The following NBAS variants were observed in gnomAD, a reference collection of about 807,000 sequenced individuals.
The protein encoded by NBAS is NAG/BC035112 fusion.
In NBAS, 219 loss-of-function variants were observed where a neutral mutation model predicts 302.5. The observed-to-expected ratio is 0.72, with a 90% CI of 0.65 to 0.81. NBAS has a LOEUF of 0.81. Among genes scored for constraint, NBAS ranks in the 30% least tolerant of loss-of-function variants. The pLI, the probability that NBAS is intolerant of heterozygous loss-of-function variation, is 0.00. For missense variants in NBAS, 2,932 were observed against 2,841.6 expected, an observed-to-expected ratio of 1.03 and a Z score of -0.72; for synonymous variants, 1,118 against 1,021.6, an observed-to-expected ratio of 1.09 and a Z score of -1.80.
chr2:15,203,466 G>C (rs954120173), intron 48 of NBAS, among the ~76,000 whole-genome samples: 6 of 152,178 alleles, frequency 3.9e-5, no homozygotes, highest in Admixed American at 3.9e-4. Context: ...TGTACTTCTA[G>C]AGTTTTAACT....
the NBAS span, among the ~76,000 whole-genome samples, chr2:15,117,729 C>A: frequency 2.2e-4 from 34 of 152,314 alleles, no homozygotes; most frequent in Admixed American, 1.6e-3. Context: ...CTCTTCCCAT[C>A]CTTTGGAGCT....
the NBAS span, among the ~76,000 whole-genome samples, chr2:15,102,372 G>A: frequency 6.6e-6 from 1 of 152,178 alleles, no homozygotes; most frequent in Non-Finnish European, 1.5e-5. Context: ...CCTCCACCCA[G>A]GACAGCTCTG....
At chr2:15,277,160 T>A in intron 42 of NBAS, 59 bp from the exon 43 acceptor site, 2 of 1,591,446 alleles carry the variant, frequency 1.3e-6, no homozygotes, top group South Asian at 2.3e-5. Context: ...AAAGTGATTT[T>A]TTTTTTAACC....
intron 31 of NBAS, among the ~76,000 whole-genome samples, chr2:15,368,268 C>A (rs952684144): frequency 7.3e-6 from 1 of 137,922 alleles, no homozygotes; most frequent in Non-Finnish European, 1.5e-5. Context: ...GGCGTAATCT[C>A]GGCTTACTGC....
intron 48 of NBAS, among the ~76,000 whole-genome samples, chr2:15,199,361 C>T (rs902115327): frequency 2.0e-5 from 3 of 152,124 alleles, no homozygotes; most frequent in South Asian, 4.2e-4. Context: ...AAATAAGGCA[C>T]GTGGCTTAGC....
At chr2:15,199,106 G>A (rs1452769790) in intron 48 of NBAS, among the ~76,000 whole-genome samples, 1 of 120,298 alleles carries the variant, frequency 8.3e-6, no homozygotes, top group Non-Finnish European at 1.6e-5. Context: ...CAGCCTGGGC[G>A]ACAGAGTAAG....
At chr2:15,131,818 C>A in the NBAS span, among the ~76,000 whole-genome samples, 1 of 152,238 alleles carries the variant, frequency 6.6e-6, no homozygotes, top group South Asian at 2.1e-4. Context: ...CTACAGGGAG[C>A]TTTTACACAC....
the NBAS span, among the ~76,000 whole-genome samples, chr2:14,865,028 G>C: frequency 3.3e-5 from 5 of 152,200 alleles, no homozygotes; most frequent in African/African-American, 9.6e-5. Context: ...TTTATTATTA[G>C]CTGTCTCTCC....
chr2:14,940,377 C>A, the NBAS span, among the ~76,000 whole-genome samples: 7 of 152,302 alleles, frequency 4.6e-5, no homozygotes, highest in South Asian at 1.5e-3. Flanking sequence ...TGTGACATGT[C>A]TGTTCCCCCT....
At chr2:15,260,400 C>T (rs1031907801) in intron 44 of NBAS, among the ~76,000 whole-genome samples, 5 of 152,154 alleles carry the variant, frequency 3.3e-5, no homozygotes, top group South Asian at 2.1e-4. Context: ...CATCGGCATT[C>T]GTGGAAAGAA....
intron 49 of NBAS, among the ~76,000 whole-genome samples, chr2:15,188,837 T>C (rs1026489566): frequency 2.6e-5 from 4 of 152,220 alleles, no homozygotes; most frequent in African/African-American, 9.6e-5. Flanking sequence ...ATATTTTGAA[T>C]TGGGAAATGA....
chr2:15,427,308 C>G lies in NBAS; in HGVS notation c.2423+403G>C, dbSNP rs961020996. 6.6e-6 allele frequency among the ~76,000 whole-genome samples: 1 copy of G among 152,124 alleles called. No individual in the cohort carries two copies. Among genetic ancestry groups the G allele is most frequent in the African/African-American group, 2.4e-5 (1 of 41,428 alleles). ...GCCCCACACCGACTCTCCCACCCCC[C>G]TTCTGCAGTACTGGATGCCTACACA... On this transcript the variant is annotated intron_variant, in intron 22 of 51. Coordinates refer to ENST00000281513, the MANE Select transcript of NBAS (RefSeq NM_015909.4).
chr2:14,835,623 C>T, the NBAS span, among the ~76,000 whole-genome samples: 1,379 of 151,934 alleles, frequency 9.1e-3, 21 homozygotes, highest in African/African-American at 0.031. Flanking sequence ...CTTTTATGCC[C>T]GGTGTCTTGT....
the NBAS span, among the ~76,000 whole-genome samples, chr2:14,782,589 A>C: frequency 6.6e-6 from 1 of 152,196 alleles, no homozygotes; most frequent in South Asian, 2.1e-4. Flanking sequence ...CATTTGACCC[A>C]GCAATTCCAT....
chr2:15,208,996 T>C (rs1666278625), intron 48 of NBAS, among the ~76,000 whole-genome samples: 1 of 151,592 alleles, frequency 6.6e-6, no homozygotes, highest in Admixed American at 6.6e-5. Flanking sequence ...ACATAAAAGA[T>C]CACTAAAACA....
the NBAS span, among the ~76,000 whole-genome samples, chr2:14,906,422 G>T: frequency 7.7e-4 from 118 of 152,328 alleles, no homozygotes; most frequent in Middle Eastern, 0.02. Flanking sequence ...CCCTCAGTCT[G>T]TTCTCTTTCT....
intron 21 of NBAS, among the ~76,000 whole-genome samples, chr2:15,444,869 G>C (rs1287965350): frequency 6.6e-6 from 1 of 152,094 alleles, no homozygotes; most frequent in Non-Finnish European, 1.5e-5. Context: ...CTTCTCAAAA[G>C]AAGACATTTA....
Position 15,394,282 on chromosome 2 carries a change from T to C in NBAS, c.3202A>G (p.Ser1068Gly). ...ATCAGCTTGCGTGCCTCTTCTGAGC[T>C]AGATTGAGTGTTTTTAACAAATGAA... is the stretch of plus-strand genomic sequence containing the variant. ...PISFVKNTQS[S>G]SEEARKLMVR... The change falls in exon 28 of 52, where the codon AGC (serine) becomes GGC (glycine). Residue 1068 changes from serine to glycine, a missense_variant. By Grantham distance (56) the Ser-to-Gly change is moderately conservative (BLOSUM62 0). Coordinates refer to ENST00000281513, the MANE Select transcript of NBAS (RefSeq NM_015909.4). 6.2e-7 allele frequency: 1 copy of C among 1,613,196 alleles called. No individual in the cohort carries two copies. Among genetic ancestry groups the C allele is most frequent in the Admixed American group, 1.7e-5 (1 of 59,960 alleles).
chr2:15,276,760 A>G, intron 43 of NBAS, 91 bp downstream of exon 43: 2 of 1,592,402 alleles, frequency 1.3e-6, no homozygotes, highest in South Asian at 2.2e-5. Context: ...GAGCTCTGCA[A>G]CCATAATGCA....
Sources: allele counts gnomAD v4.1 joint callset (sites outside exome capture counted in the v4.1 genomes callset), GRCh38; gene constraint gnomAD v4.1.1; transcripts MANE v1.5; gene names NCBI Gene and HGNC (gene_info 2026-07-23, HGNC 2026-07-21).